MED12L: variants seen among roughly 807,000 people sequenced by gnomAD.
MED12L encodes mediator complex subunit 12L.
A neutral mutation model predicts 281.3 loss-of-function variants in MED12L; 60 were observed. The observed-to-expected ratio is 0.21, with a 90% CI of 0.17 to 0.26. The LOEUF is 0.26. MED12L is among the 10% of genes least tolerant of loss of function. MED12L has a pLI of 1.00. For missense variants in MED12L, 2,146 were observed against 2,680.9 expected (o/e 0.80, Z 4.41); for synonymous variants, 974 against 987.2 (o/e 0.99, Z 0.25).
At chr3:151,198,183 C>T (rs752654684) in intron 16 of MED12L, 6 of 336,116 alleles carry the variant, frequency 1.8e-5, no homozygotes, top group South Asian at 7.7e-5. Flanking sequence ...ATTTTACATT[C>T]GTTCAATGAG....
intron 16 of MED12L, among the ~76,000 whole-genome samples, chr3:151,339,266 C>T (rs1039780872): frequency 1.3e-5 from 2 of 151,922 alleles, no homozygotes; most frequent in Non-Finnish European, 2.9e-5. Flanking sequence ...GTCACTTTTC[C>T]CCCCAACGTC....
intron 16 of MED12L, chr3:151,197,765 A>T (rs901589746): frequency 5.9e-5 from 9 of 152,664 alleles, no homozygotes; most frequent in African/African-American, 1.7e-4. Flanking sequence ...ATTATTACTA[A>T]CATCAGGAAG....
chr3:151,284,566 G>A (rs1198964005), intron 16 of MED12L, among the ~76,000 whole-genome samples: 1 of 152,158 alleles, frequency 6.6e-6, no homozygotes, highest in Non-Finnish European at 1.5e-5. Flanking sequence ...TAATCAGAAT[G>A]AAGAATCAGT....
chr3:151,316,516 T>C (rs191810364), intron 16 of MED12L: 8 of 152,350 alleles, frequency 5.3e-5, no homozygotes, highest in African/African-American at 1.4e-4. Flanking sequence ...AGAAGTATAA[T>C]TACAGTTTTT....
intron 36 of MED12L, among the ~76,000 whole-genome samples, chr3:151,386,083 C>T (rs573028902): frequency 1.3e-5 from 2 of 152,162 alleles, no homozygotes; most frequent in African/African-American, 4.8e-5. Context: ...TAAGAGTTAG[C>T]TGGGAGGTAG....
chr3:151,407,057 T>A (rs929073934), intron 39 of MED12L, among the ~76,000 whole-genome samples: 1 of 152,152 alleles, frequency 6.6e-6, no homozygotes, highest in Non-Finnish European at 1.5e-5. Flanking sequence ...CGCCTCGGCC[T>A]CCCAAAATGC....
rs543799227 is a variant in MED12L at position 151,304,543 on chromosome 3, C to A, written c.2251-45516C>A. Among the ~76,000 whole-genome samples, 8 of 152,060 alleles carry A rather than the reference C, an allele frequency of 5.3e-5. No individual in the cohort carries two copies. The East Asian group carries it at 1.4e-3, about 26-fold the overall frequency. ...CGAGGTCATGCCATTGCACTCCAGC[C>A]TGGGCGACAGAGTGAGACTGTCTCA... On this transcript the variant is annotated intron_variant, in intron 16 of 44. Transcript: ENST00000687756.
At chr3:151,223,904 A>G (rs1337947763) in intron 16 of MED12L, among the ~76,000 whole-genome samples, 1 of 152,204 alleles carries the variant, frequency 6.6e-6, no homozygotes, top group Non-Finnish European at 1.5e-5. Context: ...CAGCCTCCTT[A>G]CACCCAACCA....
intron 2 of MED12L, among the ~76,000 whole-genome samples, chr3:151,109,534 CTA>C (rs1212252483): frequency 6.6e-6 from 1 of 152,164 alleles, no homozygotes; most frequent in Non-Finnish European, 1.5e-5. Flanking sequence ...TCTCCTTTCT[CTA>C]TGTTTGGATT....
chr3:151,092,458 A>G (rs1720180482), intron 2 of MED12L, among the ~76,000 whole-genome samples: 1 of 152,242 alleles, frequency 6.6e-6, no homozygotes, highest in African/African-American at 2.4e-5. Context: ...TGCTCAGTAA[A>G]TACTTCATGA....
At chr3:151,161,497 G>A (rs903435248) in intron 8 of MED12L, among the ~76,000 whole-genome samples, 3 of 152,120 alleles carry the variant, frequency 2.0e-5, no homozygotes, top group African/African-American at 4.8e-5. Flanking sequence ...GGAGGAGACC[G>A]GGAAGGTTGG....
At chr3:151,170,277 CTTTTT>C (rs113849929) in intron 11 of MED12L, among the ~76,000 whole-genome samples, 1 of 137,770 alleles carries the variant, frequency 7.3e-6, no homozygotes, top group Non-Finnish European at 1.6e-5. Context: ...TTTTCTTTTT[CTTTTT>C]TTTTTTTTTT....
At chr3:151,282,294 T>C (rs1742918871) in intron 16 of MED12L, among the ~76,000 whole-genome samples, 1 of 152,214 alleles carries the variant, frequency 6.6e-6, no homozygotes, top group African/African-American at 2.4e-5. Context: ...AATATGAACA[T>C]TTTCAATGAA....
rs186011593 is a variant in MED12L at position 151,268,923 on chromosome 3, T to A, written c.2250+75257T>A. 1.6e-4 allele frequency among the ~76,000 whole-genome samples: 25 copies of A among 152,220 alleles called. No homozygotes were observed. In the East Asian group the frequency reaches 4.3e-3, roughly 26 times the overall value. On this transcript the variant is annotated intron_variant, in intron 16 of 44. Coordinates refer to ENST00000687756, the MANE Select transcript of MED12L (RefSeq NM_001393769.1). ...TTTTTTAGCCACAAAACAAAAAAAATTAAGTTTTCTGAGCGTCTTCCTGAC... is the reference window on the plus strand; with the variant it reads ...TTTTTTAGCCACAAAACAAAAAAAAATAAGTTTTCTGAGCGTCTTCCTGAC...
intron 16 of MED12L, among the ~76,000 whole-genome samples, chr3:151,323,643 T>C (rs150249081): frequency 1.1e-3 from 173 of 152,316 alleles, no homozygotes; most frequent in African/African-American, 4.0e-3. Flanking sequence ...TTCTTCATTT[T>C]CTCCATGTGG....
rs1290119238 is a variant in MED12L at position 151,138,995 on chromosome 3, ACCTACCTG to A, written c.556+11019_556+11026del. ...TTGTCTCTTATCTACCTACCTACCT[ACCTACCTG>A]CCTACCTACCTACTATTCTTTCATT... On this transcript the variant is annotated intron_variant, in intron 5 of 44. Transcript: ENST00000687756. 3.0e-4 allele frequency among the ~76,000 whole-genome samples: 43 copies of A among 141,370 alleles called. 1 individual carries two copies. The highest frequency in any genetic ancestry group is 3.4e-4 in the Admixed American group (5 of 14,504). 92.7% of individuals were successfully genotyped at this position (141,370 alleles called of 152,430 possible).
intron 16 of MED12L, among the ~76,000 whole-genome samples, chr3:151,259,570 A>C (rs1477060517): frequency 6.6e-6 from 1 of 152,236 alleles, no homozygotes; most frequent in Non-Finnish European, 1.5e-5. Context: ...TAATCAGAAT[A>C]AACTTTTCAA....
intron 16 of MED12L, among the ~76,000 whole-genome samples, chr3:151,325,461 G>T (rs1245121391): frequency 6.6e-6 from 1 of 151,996 alleles, no homozygotes; most frequent in Non-Finnish European, 1.5e-5. Flanking sequence ...TGACTATATT[G>T]TAGCATCTTG....
intron 16 of MED12L, among the ~76,000 whole-genome samples, chr3:151,244,104 A>C (rs369166748): frequency 1.7e-5 from 2 of 117,736 alleles, no homozygotes; most frequent in African/African-American, 2.8e-5. Context: ...CAGGAGCACC[A>C]AGATTCATAA....
Sources: allele counts gnomAD v4.1 joint callset (sites outside exome capture counted in the v4.1 genomes callset), GRCh38; gene constraint gnomAD v4.1.1; transcripts MANE v1.5; gene names NCBI Gene and HGNC (gene_info 2026-07-23, HGNC 2026-07-21).